Variants in SH3BP2 observed in about 807,000 individuals in gnomAD.
SH3BP2 encodes SH3 domain-binding protein 2.
Under a neutral mutation model 56.2 loss-of-function variants are expected in SH3BP2, and 38 were observed. The observed-to-expected ratio is 0.68, with a 90% CI of 0.52 to 0.89. The LOEUF (loss-of-function observed/expected upper bound fraction) is 0.89. Among genes scored for constraint, SH3BP2 ranks in the 40% least tolerant of loss-of-function variants. The pLI is 0.00. For synonymous variants in SH3BP2, 346 were observed against 316.7 expected (o/e 1.09, Z -0.98); for missense variants, 748 against 762.6 (o/e 0.98, Z 0.23).
At chr4:2,799,439 C>G (rs563275442) in intron 1 of SH3BP2, 1 of 297,170 alleles carries the variant, frequency 3.4e-6, no homozygotes, top group Non-Finnish European at 5.0e-6. Flanking sequence ...TGAGATCAAC[C>G]TTCCCATTTT....
At chr4:2,815,131 C>T (rs1310610894) in intron 1 of SH3BP2, among the ~76,000 whole-genome samples, 1 of 152,222 alleles carries the variant, frequency 6.6e-6, no homozygotes, top group Non-Finnish European at 1.5e-5. Context: ...GTCACCACGG[C>T]CTCCATGGCC....
At chr4:2,832,109 G>C in intron 10 of SH3BP2, 131 bp downstream of exon 10, 1 of 1,069,952 alleles carries the variant, frequency 9.3e-7, no homozygotes, top group Non-Finnish European at 1.4e-6. Context: ...GCAGAAACCA[G>C]AGGAGTGGAC....
rs1306360216 is a variant in SH3BP2 at position 2,826,683 on chromosome 4, C to CGCA, written c.429-547_429-546insGCA. On this transcript the variant is annotated intron_variant, in intron 5 of 12. Coordinates refer to ENST00000503393, the MANE Select transcript of SH3BP2 (RefSeq NM_001122681.2). ...GTGTTGCTCTGTGTGTGTGCATGTC[C>CGCA]TCATGTTGCTCTGTGTGTGTGTGCA... 9.9e-4 allele frequency: 327 copies of CGCA among 330,994 alleles called. 3 individuals are homozygous for CGCA. The highest frequency in any genetic ancestry group is 6.6e-3 in the African/African-American group (261 of 39,454). The allele number at this position is 330,994 out of a possible 1,614,324, so 20.5% of individuals were successfully genotyped here.
intron 1 of SH3BP2, among the ~76,000 whole-genome samples, chr4:2,803,472 A>G (rs1314288188): frequency 6.6e-6 from 1 of 152,166 alleles, no homozygotes; most frequent in African/African-American, 2.4e-5. Context: ...TGGTCCTCAG[A>G]GTCCTGTTGC....
chr4:2,831,889 C>A lies in SH3BP2; in HGVS notation c.1351-34C>A. The A allele has an allele frequency of 6.2e-7, 1 of 1,608,518 alleles. No homozygotes were observed. ...GAGTGGTGGTGCGGGTGGATCACTC[C>A]GACGTTGGCACTGACACCGTCAGCC... On this transcript the variant is annotated intron_variant, in intron 9 of 12. Transcript: ENST00000503393. This position sits in a 1 kb window ranked among gnomAD's most constrained non-coding sequence, Gnocchi z 4.1.
chr4:2,833,823 G>A lies in SH3BP2; in HGVS notation c.1675G>A (p.Gly559Arg). 6.4e-7 allele frequency: 1 copy of A among 1,574,004 alleles called. No homozygotes were observed. The highest frequency in any genetic ancestry group is 2.3e-5 in the East Asian group (1 of 42,756). The change falls in exon 13 of 13, where the codon GGG (glycine) becomes AGG (arginine). Residue 559 changes from glycine to arginine, a missense_variant. Gly to Arg is a moderately radical substitution (Grantham distance 125). This residue lies in a region of SH3BP2 where 635 missense variants were observed against 615.0 expected (regional missense o/e 1.03). Coordinates refer to ENST00000503393, the MANE Select transcript of SH3BP2 (RefSeq NM_001122681.2). ...GCTGCGGCACCCCTACGGCTACACT[G>A]GGCCTAGGTGATGGCAGTCCATGTG... ...LLLRHPYGYTGPR is the reference protein window; with the variant it reads ...LLLRHPYGYTRPR
At position 2,797,364 on chromosome 4, in the gene SH3BP2, C is replaced by T. The variant is rs533684004; in HGVS notation, c.-5+4226C>T. 1.5e-3 allele frequency among the ~76,000 whole-genome samples: 226 copies of T among 152,320 alleles called. 3 individuals carry two copies. Among genetic ancestry groups the T allele is most frequent in the Middle Eastern group, 6.8e-3 (2 of 294 alleles). ...TGCCTCTGGGGCAGTGGTGGACCTC[C>T]TTCAGAAGGCTGCTGCCCAGCCCCG... On this transcript the variant is annotated intron_variant, in intron 1 of 12. Transcript: ENST00000503393.
rs866113656 is a variant in SH3BP2 at position 2,836,474 on chromosome 4, G to A, written c.*2640G>A. ...AGCTGCTAGTAGACCCATTTTACAGGTGAGAGAACCAAGTCTCACAGAGGC... is the reference window on the plus strand; with the variant it reads ...AGCTGCTAGTAGACCCATTTTACAGATGAGAGAACCAAGTCTCACAGAGGC... On this transcript the variant is annotated 3_prime_UTR_variant, in exon 13 of 13. Coordinates refer to ENST00000503393, the MANE Select transcript of SH3BP2 (RefSeq NM_001122681.2). 6.6e-6 allele frequency: 1 copy of A among 152,260 alleles called. No individual in the cohort carries two copies. The highest frequency in any genetic ancestry group is 2.1e-4 in the South Asian group (1 of 4,838). 9.4% of individuals were successfully genotyped at this position (152,260 alleles called of 1,614,324 possible). A position where few individuals can be genotyped will look rare whatever the true frequency, so the allele number is the denominator to read the frequency against.
Position 2,825,148 on chromosome 4 carries a change from G to T in SH3BP2, c.380G>T (p.Arg127Met). ...CAGAGCTGGATGGCCTTGCTGCGCAGGGAGATTGGCCACTTCCACGAAAAG... is the reference window on the plus strand; with the variant it reads ...CAGAGCTGGATGGCCTTGCTGCGCATGGAGATTGGCCACTTCCACGAAAAG... ...ERKSWMALLR[R>M]EIGHFHEKKD... The change falls in exon 5 of 13, where the codon AGG becomes ATG. Residue 127 changes from arginine to methionine, a missense_variant. This residue lies in a region of SH3BP2 where 635 missense variants were observed against 615.0 expected (regional missense o/e 1.03). Transcript: ENST00000503393. The T allele has an allele frequency of 6.3e-7, 1 of 1,581,414 alleles. No individual in the cohort carries two copies. Among genetic ancestry groups the T allele is most frequent in the Non-Finnish European group, 8.6e-7 (1 of 1,163,636 alleles).
At chr4:2,815,684 G>A (rs1303527430) in intron 1 of SH3BP2, among the ~76,000 whole-genome samples, 2 of 152,248 alleles carry the variant, frequency 1.3e-5, no homozygotes, top group African/African-American at 2.4e-5. Context: ...ACAGTGGGGT[G>A]TGATGCCCCA....
Position 2,833,929 on chromosome 4 carries a change from G to A in SH3BP2, c.*95G>A. The A allele has an allele frequency of 7.1e-7, 1 of 1,403,108 alleles. No homozygotes were observed. The highest frequency in any genetic ancestry group is 9.6e-7 in the Non-Finnish European group (1 of 1,046,610). The allele number at this position is 1,403,108 out of a possible 1,614,324, so 86.9% of individuals were successfully genotyped here. The stretch of plus-strand genomic sequence containing the variant: ...TGGGCCCACATGGGAGGGTGAGCAG[G>A]AGCAAGGCTGTGCTTGCCTAGGGCC... On this transcript the variant is annotated 3_prime_UTR_variant, in exon 13 of 13. Transcript: ENST00000503393.
In SH3BP2 at chr4:2,795,641, CAATGA is replaced by C. The variant is rs1723036086; in HGVS notation, c.-5+2505_-5+2509del. Among the ~76,000 whole-genome samples the C allele has an allele frequency of 2.0e-5, 3 of 152,154 alleles. No individual in the cohort carries two copies. The South Asian group carries it at 6.2e-4, about 32-fold the overall frequency. ...GTGGAGCGGCTCCCACCCCTCGGGCCAATGAATACAGGGTGGGCCGTCAGGAGGAG... is the reference window on the plus strand; with the variant it reads ...GTGGAGCGGCTCCCACCCCTCGGGCCATACAGGGTGGGCCGTCAGGAGGAG... On this transcript the variant is annotated intron_variant, in intron 1 of 12. Coordinates refer to ENST00000503393, the MANE Select transcript of SH3BP2 (RefSeq NM_001122681.2).
chr4:2,795,446 G>C (rs1297695118), intron 1 of SH3BP2, among the ~76,000 whole-genome samples: 2 of 152,244 alleles, frequency 1.3e-5, no homozygotes, highest in Non-Finnish European at 2.9e-5. Flanking sequence ...ACCTCCCAAA[G>C]TGCTGGGATT....
chr4:2,800,335 C>G (rs1025222987), intron 1 of SH3BP2, among the ~76,000 whole-genome samples: 24 of 152,140 alleles, frequency 1.6e-4, no homozygotes, highest in Non-Finnish European at 2.8e-4. Context: ...CAAGTCACTC[C>G]TGAGGCTGTG....
At chr4:2,800,019 C>A (rs1723197137) in intron 1 of SH3BP2, among the ~76,000 whole-genome samples, 1 of 152,076 alleles carries the variant, frequency 6.6e-6, no homozygotes, top group Non-Finnish European at 1.5e-5. Context: ...ACAAGAAGAC[C>A]ATGAGGAGCT....
chr4:2,827,065 G>A (rs1254714444), intron 5 of SH3BP2, 165 bp from the exon 6 acceptor site: 3 of 702,290 alleles, frequency 4.3e-6, no homozygotes, highest in Non-Finnish European at 7.8e-6. Context: ...GCATGTGTGT[G>A]TCTGTCAGCT....
At chr4:2,816,171 C>T (rs1415721680) in intron 1 of SH3BP2, among the ~76,000 whole-genome samples, 1 of 152,062 alleles carries the variant, frequency 6.6e-6, no homozygotes, top group Non-Finnish European at 1.5e-5. Context: ...TCTCCTGCCT[C>T]AGCCTCCCAA....
intron 1 of SH3BP2, among the ~76,000 whole-genome samples, chr4:2,803,561 A>G (rs550691695): frequency 2.0e-5 from 3 of 152,298 alleles, no homozygotes; most frequent in Admixed American, 2.0e-4. Context: ...TTAAGGGACC[A>G]AGGCTGGGAC....
chr4:2,813,532 ATTTAGT>A (rs1236023704), intron 1 of SH3BP2, among the ~76,000 whole-genome samples: 3 of 152,186 alleles, frequency 2.0e-5, no homozygotes, highest in Non-Finnish European at 2.9e-5. Context: ...ACCCTGGTCG[ATTTAGT>A]GAGCTGTGAG....
Sources: allele counts gnomAD v4.1 joint callset (sites outside exome capture counted in the v4.1 genomes callset), GRCh38; gene constraint gnomAD v4.1.1; regional missense constraint gnomAD v4.1.1; non-coding constraint Gnocchi (gnomAD v3.1); transcripts MANE v1.5; gene names NCBI Gene and HGNC (gene_info 2026-07-23, HGNC 2026-07-21).